Variants in PIGB observed in about 807,000 individuals in gnomAD.
The protein encoded by PIGB is GPI alpha-1,2-mannosyltransferase 3.
Under a neutral mutation model 68.4 loss-of-function variants are expected in PIGB, and 58 were observed. The ratio of observed to expected loss-of-function variants is 0.85; its 90% CI spans 0.69 to 1.06. PIGB has a LOEUF of 1.06. Ranked by LOEUF, PIGB falls within the 50% of genes least tolerant of loss-of-function variation. The probability of loss-of-function intolerance (pLI) is 0.00; values close to 1 mark genes in which losing one functional copy is unlikely to be tolerated. For synonymous variants in PIGB, 219 were observed against 220.5 expected (o/e 0.99, Z 0.06); for missense variants, 634 against 655.8 (o/e 0.97, Z 0.36).
chr15:55,332,847 T>C (rs2055448976), intron 5 of PIGB, among the ~76,000 whole-genome samples: 1 of 152,236 alleles, frequency 6.6e-6, no homozygotes, highest in Non-Finnish European at 1.5e-5. Context: ...ACCATTAGTT[T>C]AGAGAAGTCC....
At position 55,319,224 on chromosome 15, in the gene PIGB, T is replaced by C; in HGVS notation, c.-27T>C. 6.3e-7 allele frequency: 1 copy of C among 1,587,054 alleles called. No homozygotes were observed. Among genetic ancestry groups the C allele is most frequent in the South Asian group, 1.2e-5 (1 of 86,850 alleles). On this transcript the variant is annotated 5_prime_UTR_variant, in exon 1 of 12. Coordinates refer to ENST00000164305, the MANE Select transcript of PIGB (RefSeq NM_004855.5). ...GAGCAGCGCGCTACTGCAGCTTTCT[T>C]CCGCCTTAGGAAGGTGGCGGCCAGG...
intron 5 of PIGB, 111 bp downstream of exon 5, chr15:55,329,965 A>G: frequency 2.9e-6 from 2 of 678,502 alleles, no homozygotes; most frequent in East Asian, 2.7e-5. Flanking sequence ...GAGTCATGAG[A>G]ACCACAAATT....
In PIGB at chr15:55,339,316, CAAGT is replaced by C. The variant is rs1390369589; in HGVS notation, c.846+5_846+8del. 4 of 1,546,874 alleles carry C rather than the reference CAAGT, an allele frequency of 2.6e-6. No individual in the cohort carries two copies. The highest frequency in any genetic ancestry group is 3.5e-6 in the Non-Finnish European group (4 of 1,142,100). On this transcript the variant is annotated splice_donor_variant and coding_sequence_variant, in exon 7 of 12. Transcript: ENST00000164305. LOFTEE classifies it high-confidence loss of function. Reference sequence around the variant, plus strand: ...GATGATTGATCGTATTTTTTTTGGCCAAGTAAGTAAAAGTATATTAAGCTAACAG... The same window carrying C: ...GATGATTGATCGTATTTTTTTTGGCCAAGTAAAAGTATATTAAGCTAACAG...
At chr15:55,337,737 C>T (rs1282240630) in intron 6 of PIGB, among the ~76,000 whole-genome samples, 1 of 152,116 alleles carries the variant, frequency 6.6e-6, no homozygotes, top group African/African-American at 2.4e-5. Flanking sequence ...AAAGAATGTT[C>T]ATTGCAGCAC....
intron 2 of PIGB, 43 bp from the exon 3 acceptor site, chr15:55,321,230 T>A: frequency 2.8e-6 from 4 of 1,444,196 alleles, no homozygotes; most frequent in Non-Finnish European, 2.8e-6. Flanking sequence ...AACACGGAAA[T>A]AGGTTTCAAT....
rs559364798 is a variant in PIGB, at chr15:55,319,373, G to C, written c.123G>C (p.Leu41Phe). 1 of 1,555,358 alleles carries C rather than the reference G, an allele frequency of 6.4e-7. No individual in the cohort carries two copies. Among genetic ancestry groups the C allele is most frequent in the Non-Finnish European group, 8.7e-7 (1 of 1,148,838 alleles). Reference protein sequence around the residue: ...KIKLRKRKSTLYFNTQEKSAR... With the variant: ...KIKLRKRKSTFYFNTQEKSAR... The stretch of plus-strand genomic sequence containing the variant: ...AGCTGCGAAAGAGAAAGTCTACCTT[G>C]TACTTCAACACCCAGGAGAAGAGCG... The change falls in exon 1 of 12, where the codon TTG becomes TTC. Residue 41 changes from leucine (L) to phenylalanine (F), a missense_variant. By Grantham distance (22) the Leu-to-Phe change is conservative. Coordinates refer to ENST00000164305, the MANE Select transcript of PIGB (RefSeq NM_004855.5).
At chr15:55,351,104 TTTTTTC>T (rs2055911164) in intron 10 of PIGB, among the ~76,000 whole-genome samples, 192 bp downstream of exon 10, 1 of 139,492 alleles carries the variant, frequency 7.2e-6, no homozygotes, top group Non-Finnish European at 1.5e-5. Flanking sequence ...TAAATAAACT[TTTTTTC>T]TTTTTTTTTT....
chr15:55,337,817 T>C (rs1370869585), intron 6 of PIGB, among the ~76,000 whole-genome samples: 1 of 152,118 alleles, frequency 6.6e-6, no homozygotes, highest in African/African-American at 2.4e-5. Flanking sequence ...GTGGTATACA[T>C]AGTTACAATA....
intron 10 of PIGB, among the ~76,000 whole-genome samples, chr15:55,353,850 A>G (rs141398500): frequency 0.05 from 7,665 of 151,910 alleles, 267 homozygotes; most frequent in East Asian, 0.15. Context: ...AGTGATCCAC[A>G]TGCCTTGGCC....
Position 55,341,811 on chromosome 15 carries a change from TTTTG to T in PIGB, c.1123+16_1123+19del, listed in dbSNP as rs1472008669. ...CTGTATGGTGTTCTGTGGTAAGTGC[TTTTG>T]TTTGTTATAGAAAATAAATTATATA... On this transcript the variant is annotated intron_variant, in intron 9 of 11. Transcript: ENST00000164305. 1.9e-5 allele frequency: 25 copies of T among 1,309,518 alleles called. No homozygotes were observed. Among genetic ancestry groups the T allele is most frequent in the East Asian group, 2.7e-5 (1 of 37,242 alleles). The allele number at this position is 1,309,518 out of a possible 1,614,324, so 81.1% of individuals were successfully genotyped here.
chr15:55,355,077 G>A, intron 11 of PIGB, 99 bp downstream of exon 11: 1 of 1,052,270 alleles, frequency 9.5e-7, no homozygotes, highest in South Asian at 1.5e-5. Context: ...TTTATGGTCT[G>A]TTTCAACCCA....
chr15:55,343,540 T>A (rs1433271970), intron 9 of PIGB: 1 of 152,216 alleles, frequency 6.6e-6, no homozygotes, highest in African/African-American at 2.4e-5. Context: ...GTCCTGTTGC[T>A]TTACCAAGTA....
At chr15:55,329,070 C>G (rs116643715) in intron 4 of PIGB, among the ~76,000 whole-genome samples, 2,672 of 152,306 alleles carry the variant, frequency 0.018, 78 homozygotes, top group African/African-American at 0.061. Flanking sequence ...GAAGCTAGTG[C>G]CACATGCTTA....
chr15:55,330,530 G>A (rs945394827), intron 5 of PIGB, among the ~76,000 whole-genome samples: 1 of 152,164 alleles, frequency 6.6e-6, no homozygotes, highest in Non-Finnish European at 1.5e-5. Flanking sequence ...TACAGTTACA[G>A]TTACAGTATA....
At chr15:55,341,244 C>T (rs2141201136) in intron 8 of PIGB, among the ~76,000 whole-genome samples, 1 of 152,254 alleles carries the variant, frequency 6.6e-6, no homozygotes, top group South Asian at 2.1e-4. Flanking sequence ...GCCTGTAGTC[C>T]TAGCTATTGG....
chr15:55,335,186 A>G (rs1566952431), intron 6 of PIGB, among the ~76,000 whole-genome samples: 2 of 152,226 alleles, frequency 1.3e-5, no homozygotes, highest in Non-Finnish European at 2.9e-5. Flanking sequence ...AGTGCACTCT[A>G]TGATGTTTGC....
Position 55,321,320 on chromosome 15 carries a change from C to T in PIGB, c.347C>T (p.Thr116Ile). 8 of 1,606,338 alleles carry T rather than the reference C, an allele frequency of 5.0e-6. No homozygotes were observed. Among genetic ancestry groups the T allele is most frequent in the Non-Finnish European group, 6.8e-6 (8 of 1,174,360 alleles). The change falls in exon 3 of 12, where the codon ACT (threonine) becomes ATT (isoleucine). Residue 116 changes from threonine to isoleucine, a missense_variant. Transcript: ENST00000164305. Reference protein sequence around the residue: ...WEWTERLRSYTYPLIFASIYK... With the variant: ...WEWTERLRSYIYPLIFASIYK... ...TGGACAGAGAGACTGAGGAGTTACACTTATCCCTTAATCTTTGCAAGCATT... is the reference window on the plus strand; with the variant it reads ...TGGACAGAGAGACTGAGGAGTTACATTTATCCCTTAATCTTTGCAAGCATT...
chr15:55,334,094 T>G (rs554055610), intron 6 of PIGB, 87 bp downstream of exon 6: 23 of 925,278 alleles, frequency 2.5e-5, no homozygotes, highest in Non-Finnish European at 3.2e-5. Flanking sequence ...CAGTTAATTA[T>G]TTTATCTTCT....
intron 6 of PIGB, among the ~76,000 whole-genome samples, chr15:55,338,332 C>T (rs1475208654): frequency 6.6e-6 from 1 of 152,124 alleles, no homozygotes; most frequent in Non-Finnish European, 1.5e-5. Context: ...TGGGATATCA[C>T]TTACAAGACT....
Sources: gnomAD v4.1 joint callset for allele counts (sites outside exome capture counted in the v4.1 genomes callset) on GRCh38, gnomAD v4.1.1 for gene constraint, MANE v1.5 for transcripts, NCBI Gene and HGNC (gene_info 2026-07-23, HGNC 2026-07-21) for gene names.